Variants in SLC4A4 observed in about 807,000 individuals in gnomAD.
SLC4A4 encodes solute carrier family 4 member 4.
A neutral mutation model predicts 111.5 loss-of-function variants in SLC4A4; 27 were observed. The observed-to-expected ratio is 0.24, with a 90% CI of 0.18 to 0.33. The LOEUF (loss-of-function observed/expected upper bound fraction) is 0.33. SLC4A4 is among the 10% of genes least tolerant of loss of function. SLC4A4 has a pLI of 1.00. For synonymous variants in SLC4A4, 443 were observed against 463.4 expected, an observed-to-expected ratio of 0.96 and a Z score of 0.57; for missense variants, 909 against 1,315.5, an observed-to-expected ratio of 0.69 and a Z score of 4.78.
intron 12 of SLC4A4, among the ~76,000 whole-genome samples, chr4:71,463,122 G>A (rs1294308875): frequency 6.6e-6 from 1 of 152,168 alleles, no homozygotes; most frequent in Non-Finnish European, 1.5e-5. Context: ...TAAAATGAAA[G>A]CCCAACCAAA....
At chr4:71,261,100 G>C (rs1721821899) in intron 3 of SLC4A4, among the ~76,000 whole-genome samples, 1 of 152,132 alleles carries the variant, frequency 6.6e-6, no homozygotes, top group South Asian at 2.1e-4. Context: ...TTGGCTCTTG[G>C]CTCCTAACGG....
chr4:71,343,159 T>C (rs1303082535), intron 4 of SLC4A4, among the ~76,000 whole-genome samples: 1 of 152,204 alleles, frequency 6.6e-6, no homozygotes, highest in Non-Finnish European at 1.5e-5. Flanking sequence ...GTTTAATGTG[T>C]GATTGGTTGA....
intron 18 of SLC4A4, among the ~76,000 whole-genome samples, chr4:71,540,222 C>T (rs778744630): frequency 3.9e-5 from 6 of 152,092 alleles, no homozygotes; most frequent in East Asian, 1.9e-4. Flanking sequence ...CTAGCATGAA[C>T]GTCTATTCTG....
In SLC4A4 at chr4:71,119,539, G is replaced by A. The variant is rs1215565412; in HGVS notation, c.-2+26747G>A. ...TGGGACTACAGGTGTGTGCCACCAT[G>A]GTCACCTGGCTAAGTTTAATTCTTT... is the stretch of plus-strand genomic sequence containing the variant. On this transcript the variant is annotated intron_variant, in intron 2 of 26. Transcript: ENST00000649996. Among the ~76,000 whole-genome samples, 8 of 152,028 alleles carry A rather than the reference G, an allele frequency of 5.3e-5. No homozygotes were observed. The South Asian group carries it at 1.2e-3, about 24-fold the overall frequency.
At chr4:71,101,820 A>G (rs2148946599) in intron 2 of SLC4A4, among the ~76,000 whole-genome samples, 1 of 152,154 alleles carries the variant, frequency 6.6e-6, no homozygotes, top group South Asian at 2.1e-4. Context: ...AAAGATGGGG[A>G]AAAAACAGAA....
At chr4:71,538,883 A>G (rs946081755) in intron 18 of SLC4A4, among the ~76,000 whole-genome samples, 6 of 152,098 alleles carry the variant, frequency 3.9e-5, no homozygotes, top group Non-Finnish European at 5.9e-5. Flanking sequence ...CAGCAAGGTC[A>G]TGATTCCTTT....
intron 2 of SLC4A4, among the ~76,000 whole-genome samples, chr4:71,113,349 C>T (rs184326215): frequency 6.6e-6 from 1 of 152,324 alleles, no homozygotes; most frequent in Non-Finnish European, 1.5e-5. Context: ...GAAACTGACA[C>T]AAGGCCCCAG....
At chr4:71,102,560 A>T in intron 2 of SLC4A4, among the ~76,000 whole-genome samples, 1 of 152,224 alleles carries the variant, frequency 6.6e-6, no homozygotes, top group Non-Finnish European at 1.5e-5. Flanking sequence ...CATCAGACTA[A>T]CAGCTGATCT....
At chr4:71,469,297 T>C (rs1385275247) in intron 13 of SLC4A4, among the ~76,000 whole-genome samples, 2 of 152,000 alleles carry the variant, frequency 1.3e-5, no homozygotes, top group Admixed American at 6.6e-5. Context: ...ATTCAGTATT[T>C]TTCCCTATAT....
chr4:71,350,246 C>T (rs182063947), intron 5 of SLC4A4, among the ~76,000 whole-genome samples, 174 bp downstream of exon 5: 1 of 152,286 alleles, frequency 6.6e-6, no homozygotes, highest in East Asian at 1.9e-4. Flanking sequence ...GAAAAATACA[C>T]AAATATTAAG....
At chr4:71,567,365 A>G (rs1356280902) in intron 25 of SLC4A4, among the ~76,000 whole-genome samples, 2 of 151,706 alleles carry the variant, frequency 1.3e-5, no homozygotes, top group East Asian at 3.9e-4. Flanking sequence ...TGATTTAAAG[A>G]GGTAACTGGC....
chr4:71,396,866 C>T (rs1472879658), intron 6 of SLC4A4, among the ~76,000 whole-genome samples: 3 of 152,134 alleles, frequency 2.0e-5, no homozygotes, highest in Non-Finnish European at 2.9e-5. Context: ...ATTCCGATGA[C>T]ATCCATCCTT....
intron 23 of SLC4A4, among the ~76,000 whole-genome samples, chr4:71,562,239 T>C (rs896423614): frequency 1.3e-5 from 2 of 151,732 alleles, no homozygotes; most frequent in African/African-American, 2.4e-5. Context: ...AATAAACATA[T>C]ACATTGGTTC....
At chr4:71,085,360 G>A (rs1283511624) in intron 1 of SLC4A4, among the ~76,000 whole-genome samples, 1 of 151,916 alleles carries the variant, frequency 6.6e-6, no homozygotes, top group Non-Finnish European at 1.5e-5. Context: ...TAGGTTGCCT[G>A]TTCACTCTGA....
chr4:71,405,615 G>A (rs907663905), intron 7 of SLC4A4, among the ~76,000 whole-genome samples: 1 of 152,028 alleles, frequency 6.6e-6, no homozygotes, highest in Non-Finnish European at 1.5e-5. Context: ...CTGGATTACC[G>A]TGTATTGCGA....
At chr4:71,270,279 G>A (rs1394202807) in intron 3 of SLC4A4, among the ~76,000 whole-genome samples, 2 of 152,048 alleles carry the variant, frequency 1.3e-5, no homozygotes, top group African/African-American at 2.4e-5. Context: ...TAGTAGGGGC[G>A]GGGTTTCACC....
chr4:71,196,868 A>AAAAAAAAAAAAAG, intron 1 of SLC4A4, among the ~76,000 whole-genome samples: 1 of 135,564 alleles, frequency 7.4e-6, no homozygotes, highest in Non-Finnish European at 1.5e-5. Flanking sequence ...AAAAAAAAAA[A>AAAAAAAAAAAAAG]AAAAAATGCA....
chr4:71,207,586 G>A (rs1181383201), intron 1 of SLC4A4, among the ~76,000 whole-genome samples: 1 of 152,142 alleles, frequency 6.6e-6, no homozygotes, highest in African/African-American at 2.4e-5. Context: ...ATTGAAATCA[G>A]ATAGCCTTAG....
chr4:71,299,304 A>G lies in SLC4A4; in HGVS notation c.254-40066A>G, dbSNP rs1020715177. ...TGTGTGTGGTTGTAGGAACCACTGT[A>G]CACCCTAGAACACTTTATTAAGACC... On this transcript the variant is annotated intron_variant, in intron 3 of 25. Coordinates refer to ENST00000264485, the MANE Select transcript of SLC4A4 (RefSeq NM_001098484.3). Among the ~76,000 whole-genome samples, 3 of 152,216 alleles carry G rather than the reference A, an allele frequency of 2.0e-5. No homozygotes were observed. The East Asian group carries it at 5.8e-4, about 29-fold the overall frequency.
Sources: allele counts gnomAD v4.1 joint callset (sites outside exome capture counted in the v4.1 genomes callset), GRCh38; gene constraint gnomAD v4.1.1; transcripts MANE v1.5; gene names NCBI Gene and HGNC (gene_info 2026-07-23, HGNC 2026-07-21).